Variants in GABRB1 observed in about 807,000 individuals in gnomAD.
GABRB1 encodes gamma-aminobutyric acid type A receptor subunit beta1.
In GABRB1, 17 loss-of-function variants were observed where a neutral mutation model predicts 51.6. The observed-to-expected ratio is 0.33, with a 90% CI of 0.23 to 0.49. The LOEUF (loss-of-function observed/expected upper bound fraction) is 0.49, where lower values mean the gene tolerates loss of function less well. Among genes scored for constraint, GABRB1 ranks in the 20% least tolerant of loss-of-function variants. The pLI is 0.99. For synonymous variants in GABRB1, 247 were observed against 218.9 expected (o/e 1.13, Z -1.14); for missense variants, 410 against 600.6 (o/e 0.68, Z 3.32).
chr4:47,298,192 G>A (rs567784652), intron 4 of GABRB1, among the ~76,000 whole-genome samples: 143 of 152,286 alleles, frequency 9.4e-4, no homozygotes, highest in African/African-American at 3.2e-3. Context: ...AGACAGGGAT[G>A]CCCTCTCTCA....
chr4:47,320,155 G>C lies in GABRB1; in HGVS notation c.490G>C (p.Asp164His). The C allele has an allele frequency of 6.2e-7, 1 of 1,607,234 alleles. No individual in the cohort carries two copies. Among genetic ancestry groups the C allele is most frequent in the Non-Finnish European group, 8.5e-7 (1 of 1,173,694 alleles). Residue 164 changes from aspartate (D) to histidine (H), a missense_variant, in exon 5 of 9, where the codon GAT (aspartate) becomes CAT (histidine). Asp to His is a moderately conservative substitution (Grantham distance 81, BLOSUM62 -1). Coordinates refer to ENST00000295454, the MANE Select transcript of GABRB1 (RefSeq NM_000812.4). Reference protein sequence around the residue: ...RITTTAACMMDLRRYPLDEQN... With the variant: ...RITTTAACMMHLRRYPLDEQN... ...CACAACCACAGCTGCATGTATGATGGATCTTCGAAGATATCCATTGGATGA... is the reference window on the plus strand; with the variant it reads ...CACAACCACAGCTGCATGTATGATGCATCTTCGAAGATATCCATTGGATGA...
At chr4:47,023,955 C>T (rs1467616876) in intron 1 of GABRB1, among the ~76,000 whole-genome samples, 3 of 151,780 alleles carry the variant, frequency 2.0e-5, no homozygotes, top group African/African-American at 4.8e-5. Context: ...TTTTTTGGAT[C>T]GTTTTCAATG....
intron 4 of GABRB1, among the ~76,000 whole-genome samples, chr4:47,299,968 T>A (rs1724182982): frequency 6.6e-6 from 1 of 151,770 alleles, no homozygotes; most frequent in Non-Finnish European, 1.5e-5. Flanking sequence ...GAACTCATCA[T>A]TCTCAGTAAA....
At chr4:47,065,763 G>A (rs2109536111) in intron 3 of GABRB1, among the ~76,000 whole-genome samples, 1 of 152,300 alleles carries the variant, frequency 6.6e-6, no homozygotes, top group Middle Eastern at 3.4e-3. Flanking sequence ...GGGATGAAAG[G>A]AAAGGCGCTA....
intron 5 of GABRB1, among the ~76,000 whole-genome samples, chr4:47,344,078 A>C (rs1421289430): frequency 6.6e-6 from 1 of 152,206 alleles, no homozygotes; most frequent in Admixed American, 6.5e-5. Context: ...AATTTCTCAG[A>C]GAATAATCAT....
At chr4:47,197,413 C>T (rs901263712) in intron 4 of GABRB1, among the ~76,000 whole-genome samples, 1 of 152,138 alleles carries the variant, frequency 6.6e-6, no homozygotes, top group Non-Finnish European at 1.5e-5. Context: ...CACATAAGCC[C>T]CATGTGATGG....
chr4:47,150,043 G>C (rs1717355894), intron 3 of GABRB1, among the ~76,000 whole-genome samples: 2 of 151,860 alleles, frequency 1.3e-5, no homozygotes, highest in Admixed American at 1.3e-4. Flanking sequence ...TTTAGAAAAT[G>C]ATGGTTCCAA....
intron 3 of GABRB1, among the ~76,000 whole-genome samples, chr4:47,080,858 C>A (rs1284253776): frequency 6.6e-6 from 1 of 152,138 alleles, no homozygotes; most frequent in Admixed American, 6.5e-5. Context: ...TATTTAAATG[C>A]ACAGATTTTT....
intron 3 of GABRB1, among the ~76,000 whole-genome samples, chr4:47,144,238 A>G (rs1249878671): frequency 1.3e-5 from 2 of 151,994 alleles, no homozygotes; most frequent in South Asian, 2.1e-4. Flanking sequence ...GGAGGTAGCT[A>G]TTTTCCTATG....
chr4:47,225,728 T>G (rs1435135258), intron 4 of GABRB1, among the ~76,000 whole-genome samples: 2 of 152,158 alleles, frequency 1.3e-5, no homozygotes, highest in Non-Finnish European at 2.9e-5. Flanking sequence ...TCCATTTATA[T>G]GGCTATCATT....
At chr4:47,320,007 T>C in intron 4 of GABRB1, 120 bp from the exon 5 acceptor site, 1 of 723,454 alleles carries the variant, frequency 1.4e-6, no homozygotes, top group Non-Finnish European at 2.5e-6. Flanking sequence ...TCTTAAAATC[T>C]CACAAAATTT....
At position 47,057,021 on chromosome 4, in the gene GABRB1, G is replaced by A. The variant is rs577706905; in HGVS notation, c.240+24537G>A. ...CTCAGGAGGCTGAGGCAGGAGAATC[G>A]CCTGACCCTGGGAGACGAGGTTGCA... On this transcript the variant is annotated intron_variant, in intron 3 of 8. Coordinates refer to ENST00000295454, the MANE Select transcript of GABRB1 (RefSeq NM_000812.4). Among the ~76,000 whole-genome samples, 16 of 152,190 alleles carry A rather than the reference G, an allele frequency of 1.1e-4. No homozygotes were observed. The East Asian group carries it at 1.7e-3, about 17-fold the overall frequency.
chr4:46,995,346 T>A (rs534103364), intron 1 of GABRB1, among the ~76,000 whole-genome samples: 2 of 152,306 alleles, frequency 1.3e-5, no homozygotes, highest in South Asian at 2.1e-4. Context: ...ATTATATTAT[T>A]TCTCTAATCT....
At chr4:47,405,002 A>G (rs1326637737) in intron 7 of GABRB1, among the ~76,000 whole-genome samples, 2 of 152,234 alleles carry the variant, frequency 1.3e-5, no homozygotes, top group Admixed American at 1.3e-4. Flanking sequence ...TTTAAAACAT[A>G]TGTAATTTAA....
intron 8 of GABRB1, among the ~76,000 whole-genome samples, chr4:47,420,943 A>AACACACACAC (rs71654875): frequency 0.011 from 1,481 of 141,016 alleles, 24 homozygotes; most frequent in African/African-American, 0.038. Context: ...TACACACACA[A>AACACACACAC]ACACACACAC....
At chr4:47,035,554 A>G (rs1725514848) in intron 3 of GABRB1, among the ~76,000 whole-genome samples, 1 of 152,110 alleles carries the variant, frequency 6.6e-6, no homozygotes, top group Non-Finnish European at 1.5e-5. Flanking sequence ...CCATTTTCTA[A>G]ACTGTCATCT....
At chr4:47,395,472 C>T (rs1318720502) in intron 5 of GABRB1, among the ~76,000 whole-genome samples, 2 of 152,136 alleles carry the variant, frequency 1.3e-5, no homozygotes, top group African/African-American at 2.4e-5. Flanking sequence ...CCAGGCCCCT[C>T]CTCCCACACG....
At chr4:47,411,434 C>T (rs1728758145) in intron 8 of GABRB1, among the ~76,000 whole-genome samples, 1 of 152,028 alleles carries the variant, frequency 6.6e-6, no homozygotes, top group Admixed American at 6.6e-5. Context: ...TGATATAATA[C>T]TCTTGAAATA....
chr4:47,256,646 A>G (rs2109871238), intron 4 of GABRB1, among the ~76,000 whole-genome samples: 1 of 152,304 alleles, frequency 6.6e-6, no homozygotes, highest in East Asian at 1.9e-4. Flanking sequence ...GGTAGAAGGC[A>G]AAGGAGAAGC....
Sources: allele counts gnomAD v4.1 joint callset (sites outside exome capture counted in the v4.1 genomes callset), GRCh38; gene constraint gnomAD v4.1.1; transcripts MANE v1.5; gene names NCBI Gene and HGNC (gene_info 2026-07-23, HGNC 2026-07-21).